The following CNBD2 variants were observed in gnomAD, a reference collection of about 807,000 sequenced individuals.
The protein encoded by CNBD2 is cyclic nucleotide-binding domain-containing protein 2.
A neutral mutation model predicts 63.7 loss-of-function variants in CNBD2; 64 were observed. The ratio of observed to expected loss-of-function variants is 1.00; its 90% confidence interval spans 0.82 to 1.24. The LOEUF (loss-of-function observed/expected upper bound fraction) is 1.24, where lower values mean the gene tolerates loss of function less well. CNBD2 is among the 50% of genes most tolerant of loss of function. CNBD2 has a pLI of 0.00. For missense variants in CNBD2, 691 were observed against 713.5 expected (o/e 0.97, Z 0.36); for synonymous variants, 229 against 255.4 (o/e 0.90, Z 0.99).
chr20:35,991,681 C>T (rs1027651632), intron 7 of CNBD2, among the ~76,000 whole-genome samples: 1 of 151,988 alleles, frequency 6.6e-6, no homozygotes, highest in East Asian at 1.9e-4. Context: ...TGGCAGAAAG[C>T]GGGGGGTGGT....
At chr20:36,010,975 T>C (rs1288871966) in intron 9 of CNBD2, among the ~76,000 whole-genome samples, 162 bp from the exon 10 acceptor site, 1 of 152,040 alleles carries the variant, frequency 6.6e-6, no homozygotes, top group East Asian at 1.9e-4. Flanking sequence ...TTCCTGACAA[T>C]GGGAGTCAGG....
intron 2 of CNBD2, chr20:35,973,614 T>A (rs2056456222): frequency 6.6e-6 from 1 of 152,260 alleles, no homozygotes; most frequent in Non-Finnish European, 1.5e-5. Context: ...TTTCACCTTG[T>A]TAGCCAGGAT....
At chr20:36,002,401 G>T (rs2056926319) in intron 8 of CNBD2, among the ~76,000 whole-genome samples, 1 of 152,180 alleles carries the variant, frequency 6.6e-6, no homozygotes, top group Non-Finnish European at 1.5e-5. Flanking sequence ...GAGGGAGAGG[G>T]AGAGGGAGAC....
Position 35,977,750 on chromosome 20 carries a change from G to C in CNBD2, c.243+1748G>C, listed in dbSNP as rs143891264. The stretch of plus-strand genomic sequence containing the variant: ...TGCTAATGAGTATAGGGTTTCTTTG[G>C]GGTGATGAAAAGCTTCCAAAACAGT... On this transcript the variant is annotated intron_variant, in intron 3 of 11. Coordinates refer to ENST00000373973, the MANE Select transcript of CNBD2 (RefSeq NM_001365709.1). Among the ~76,000 whole-genome samples, 813 of 152,240 alleles carry C rather than the reference G, an allele frequency of 5.3e-3. 5 individuals carry two copies. The highest frequency in any genetic ancestry group is 0.019 in the African/African-American group (786 of 41,532).
chr20:36,009,392 C>T (rs960885118), intron 9 of CNBD2, among the ~76,000 whole-genome samples: 3 of 151,686 alleles, frequency 2.0e-5, no homozygotes, highest in East Asian at 2.0e-4. Flanking sequence ...TTAGTAGAGA[C>T]GAGGTTTCAC....
At chr20:35,978,308 G>A (rs753166541) in intron 3 of CNBD2, among the ~76,000 whole-genome samples, 25 of 151,460 alleles carry the variant, frequency 1.7e-4, no homozygotes, top group Non-Finnish European at 2.8e-4. Context: ...CCCCCCAGTA[G>A]CTAGGACTGC....
At chr20:36,005,601 T>C (rs2056973193) in intron 8 of CNBD2, among the ~76,000 whole-genome samples, 1 of 152,152 alleles carries the variant, frequency 6.6e-6, no homozygotes, top group Non-Finnish European at 1.5e-5. Flanking sequence ...GCTTTTTATA[T>C]GTGTTTTGTT....
chr20:36,002,789 T>C (rs2056932260), intron 8 of CNBD2, among the ~76,000 whole-genome samples: 1 of 152,146 alleles, frequency 6.6e-6, no homozygotes, highest in Non-Finnish European at 1.5e-5. Flanking sequence ...GTTTGTATTT[T>C]TAAAATCTGA....
At position 36,012,707 on chromosome 20, in the gene CNBD2, A is replaced by G. The variant is rs758429431; in HGVS notation, c.1269+1450A>G. 2.2e-4 allele frequency among the ~76,000 whole-genome samples: 34 copies of G among 151,348 alleles called. 1 individual carries two copies. The highest frequency in any genetic ancestry group is 1.1e-3 in the Admixed American group (16 of 15,148). On this transcript the variant is annotated intron_variant, in intron 10 of 11. Transcript: ENST00000373973. ...AGGCATGGTGGACACCTGTAATCCC[A>G]GCTACTCGGGAGGCTGTGTCAGGAG...
chr20:35,988,494 A>C (rs539959491), intron 7 of CNBD2, among the ~76,000 whole-genome samples: 1 of 152,306 alleles, frequency 6.6e-6, no homozygotes, highest in East Asian at 1.9e-4. Flanking sequence ...AAATTGTAAA[A>C]GTGATATGAC....
chr20:35,967,786 G>A (rs12624705), upstream of CNBD2, among the ~76,000 whole-genome samples: 1 of 152,164 alleles, frequency 6.6e-6, no homozygotes, highest in African/African-American at 2.4e-5. Flanking sequence ...TTGGGAGGCA[G>A]AGGTTGCAGT....
intron 9 of CNBD2, among the ~76,000 whole-genome samples, chr20:36,009,531 G>A: frequency 6.7e-6 from 1 of 149,550 alleles, no homozygotes; most frequent in Admixed American, 6.7e-5. Context: ...AGAAGAAAAA[G>A]AAAAAGAAAA....
chr20:35,977,976 T>C (rs2056544157), intron 3 of CNBD2, among the ~76,000 whole-genome samples: 2 of 152,158 alleles, frequency 1.3e-5, no homozygotes, highest in African/African-American at 4.8e-5. Context: ...GTATAGTCCA[T>C]ATTGGGCTTC....
intron 10 of CNBD2, among the ~76,000 whole-genome samples, chr20:36,013,768 G>A (rs976284244): frequency 2.6e-5 from 4 of 152,108 alleles, no homozygotes; most frequent in African/African-American, 9.7e-5. Context: ...ATTTAAGCAG[G>A]AATATATAGA....
intron 10 of CNBD2, among the ~76,000 whole-genome samples, chr20:36,019,499 G>C (rs372176133): frequency 8.5e-5 from 12 of 141,736 alleles, no homozygotes; most frequent in East Asian, 4.2e-4. Flanking sequence ...CTCCAGCCTA[G>C]GGACAGAGTG....
At chr20:35,958,486 C>T (rs902719659), downstream of CNBD2, among the ~76,000 whole-genome samples, 1 of 152,120 alleles carries the variant, frequency 6.6e-6, no homozygotes, top group African/African-American at 2.4e-5. Context: ...TAGAAGGTTG[C>T]AAAAATAGTT....
chr20:35,960,744 TTCTCTTCCC>T (rs2056300517), intron 2 of CNBD2, among the ~76,000 whole-genome samples: 1 of 70,098 alleles, frequency 1.4e-5, no homozygotes, highest in Non-Finnish European at 2.6e-5. Flanking sequence ...TTCTCTTCCC[TTCTCTTCCC>T]TTCTCTTCCC....
Position 36,029,494 on chromosome 20 carries a change from G to A in CNBD2, c.1440-863G>A, listed in dbSNP as rs146384710. 2.0e-5 allele frequency among the ~76,000 whole-genome samples: 3 copies of A among 152,284 alleles called. No individual in the cohort carries two copies. The East Asian group carries it at 5.8e-4, about 29-fold the overall frequency. ...TGCAGTGTTTGCTGATTTCCATAGT[G>A]TAAATACTCCCACCATGGCCAGTTT... On this transcript the variant is annotated intron_variant, in intron 11 of 11. Transcript: ENST00000373973.
At chr20:35,973,128 T>C (rs916630005) in intron 2 of CNBD2, 26 of 387,538 alleles carry the variant, frequency 6.7e-5, no homozygotes, top group Non-Finnish European at 1.8e-5. Flanking sequence ...AGTTTTTCTC[T>C]TTCCAAATTC....
Sources: gnomAD v4.1 joint callset for allele counts (sites outside exome capture counted in the v4.1 genomes callset) on GRCh38, gnomAD v4.1.1 for gene constraint, MANE v1.5 for transcripts, NCBI Gene and HGNC (gene_info 2026-07-23, HGNC 2026-07-21) for gene names.